The following ATP13A3 variants were observed in gnomAD, a reference collection of about 807,000 sequenced individuals.
The protein encoded by ATP13A3 is ATPase 13A3.
ATP13A3 carries 59 observed loss-of-function variants against 158.1 expected under a neutral mutation model. The observed-to-expected ratio is 0.37, with a 90% confidence interval of 0.30 to 0.46. The LOEUF (loss-of-function observed/expected upper bound fraction) is 0.46. Ranked by LOEUF, ATP13A3 falls within the 20% of genes least tolerant of loss-of-function variation. The pLI, the probability that ATP13A3 is intolerant of heterozygous loss-of-function variation, is 1.00. For missense variants in ATP13A3, 1,166 were observed against 1,525.2 expected (o/e 0.76, Z 3.92); for synonymous variants, 491 against 504.3 (o/e 0.97, Z 0.35).
intron 15 of ATP13A3, 48 bp from the exon 16 acceptor site, chr3:194,441,509 G>A (rs1463217122): frequency 1.3e-6 from 2 of 1,518,710 alleles, no homozygotes; most frequent in African/African-American, 1.4e-5. Flanking sequence ...TAAGATTCAA[G>A]ATAATATTCT....
chr3:194,437,521 A>G lies in ATP13A3; in HGVS notation c.1845+35T>C, dbSNP rs368932532. On this transcript the variant is annotated intron_variant, in intron 18 of 33. Coordinates refer to ENST00000645319, the MANE Select transcript of ATP13A3 (RefSeq NM_001367549.1). ...TAATATTCTTAAAGAATCAAAACAA[A>G]TATACTTAGTAAGAAGTAAACATTC... 8.4e-5 allele frequency: 136 copies of G among 1,612,634 alleles called. No individual in the cohort carries two copies. In the African/African-American group the frequency reaches 1.5e-3, roughly 18 times the overall value.
chr3:194,438,267 A>C (rs1207228994), intron 17 of ATP13A3, among the ~76,000 whole-genome samples: 2 of 152,242 alleles, frequency 1.3e-5, no homozygotes, highest in Non-Finnish European at 2.9e-5. Context: ...GGTGTTTATT[A>C]GAATCTTGGT....
chr3:194,413,687 C>T (rs1021773022), intron 32 of ATP13A3, 72 bp downstream of exon 32: 4 of 1,311,072 alleles, frequency 3.1e-6, no homozygotes, highest in Non-Finnish European at 4.4e-6. Context: ...CTGCCCTCTT[C>T]TCCCATTTAC....
rs376463902 is a variant in ATP13A3, at chr3:194,457,147, C to T, written c.507G>A (p.Thr169=). 77 of 1,613,200 alleles carry T rather than the reference C, an allele frequency of 4.8e-5. 1 individual carries two copies. The highest frequency in any genetic ancestry group is 1.8e-4 in the East Asian group (8 of 44,780). ...LKGLDEGVSC[T]SIYEKHSAGL... ...CTGCACTATGCTTTTCATAAATTGA[C>T]GTACAAGAAACACCTTCATCCAGTC... Residue 169 remains threonine (T), a synonymous_variant, in exon 7 of 34, where the codon ACG becomes ACA. Transcript: ENST00000645319.
At chr3:194,445,768 AC>A (rs1246736409) in intron 14 of ATP13A3, among the ~76,000 whole-genome samples, 1 of 152,216 alleles carries the variant, frequency 6.6e-6, no homozygotes. Context: ...CACATCAGTT[AC>A]CCAGAAAAGT....
chr3:194,485,472 T>C (rs1317168087), intron 2 of ATP13A3, among the ~76,000 whole-genome samples: 1 of 152,236 alleles, frequency 6.6e-6, no homozygotes, highest in African/African-American at 2.4e-5. Context: ...CACTGTTCAT[T>C]ACGTACTCAC....
chr3:194,408,018 C>T lies in ATP13A3; in HGVS notation c.3574-1902G>A, dbSNP rs1715069504. Among the ~76,000 whole-genome samples, 5 of 149,898 alleles carry T rather than the reference C, an allele frequency of 3.3e-5. No homozygotes were observed. The South Asian group carries it at 1.0e-3, about 31-fold the overall frequency. On this transcript the variant is annotated intron_variant, in intron 33 of 33. Transcript: ENST00000645319. ...GTTCCTAAATCAATTCGAAAGCTGT[C>T]ACCTTTTTTTTTTTTTTTTTGAGAC...
intron 28 of ATP13A3, among the ~76,000 whole-genome samples, chr3:194,427,989 G>A (rs1433587311): frequency 1.3e-5 from 2 of 152,072 alleles, no homozygotes; most frequent in Non-Finnish European, 2.9e-5. Context: ...GGGAGGCCGA[G>A]GCGGGCGGAC....
In ATP13A3 at chr3:194,405,625, C is replaced by T. The variant is rs1055346004; in HGVS notation, c.*294G>A. 1.3e-5 allele frequency: 4 copies of T among 299,480 alleles called. No homozygotes were observed. The highest frequency in any genetic ancestry group is 9.5e-5 in the Admixed American group (2 of 21,136). 18.6% of individuals were successfully genotyped at this position (299,480 alleles called of 1,614,324 possible). The stretch of plus-strand genomic sequence containing the variant: ...TACCAAACACCAAACTTCTCCTGTA[C>T]CCAATATAAAGAATATCACTGAAAG... On this transcript the variant is annotated 3_prime_UTR_variant, in exon 34 of 34. Coordinates refer to ENST00000645319, the MANE Select transcript of ATP13A3 (RefSeq NM_001367549.1).
chr3:194,488,045 G>A (rs77417458), upstream of ATP13A3: 1 of 152,410 alleles, frequency 6.6e-6, no homozygotes, highest in Admixed American at 6.5e-5. The surrounding 1 kb of genome is among the most constrained non-coding windows in gnomAD (Gnocchi z 4.1). Context: ...ACCTCCTGCG[G>A]GCAGGAGGGC....
At chr3:194,456,216 A>G (rs1719215263) in intron 7 of ATP13A3, among the ~76,000 whole-genome samples, 1 of 152,212 alleles carries the variant, frequency 6.6e-6, no homozygotes, top group Non-Finnish European at 1.5e-5. Context: ...CCACTAGTCT[A>G]TAATACCATG....
intron 2 of ATP13A3, among the ~76,000 whole-genome samples, chr3:194,463,125 C>T (rs1168969235): frequency 6.6e-6 from 1 of 152,072 alleles, no homozygotes; most frequent in Non-Finnish European, 1.5e-5. Flanking sequence ...AATGGCAATC[C>T]CTGGCCAAAA....
Position 194,454,379 on chromosome 3 carries a change from A to C in ATP13A3, c.644T>G (p.Phe215Cys). Reference sequence around the variant, plus strand: ...AACACTGAACAGCTGGAAAATGTAAAATGGGTTGAGAACCTAAAAAACAAG... The same window carrying C: ...AACACTGAACAGCTGGAAAATGTAACATGGGTTGAGAACCTAAAAAACAAG... ...KLLIKEVLNP[F>C]YIFQLFSVIL... Residue 215 changes from phenylalanine (F) to cysteine (C), a missense_variant, in exon 9 of 34, where the codon TTT becomes TGT. By Grantham distance (205) the Phe-to-Cys change is radical. This residue lies in a region of ATP13A3 where 997 missense variants were observed against 1,341.2 expected (regional missense o/e 0.74). Transcript: ENST00000645319. 1 of 1,611,566 alleles carries C rather than the reference A, an allele frequency of 6.2e-7. No individual in the cohort carries two copies. The highest frequency in any genetic ancestry group is 8.5e-7 in the Non-Finnish European group (1 of 1,178,154).
chr3:194,438,489 A>G (rs1242613333), intron 17 of ATP13A3, among the ~76,000 whole-genome samples: 3 of 152,258 alleles, frequency 2.0e-5, no homozygotes, highest in African/African-American at 7.2e-5. Context: ...CTGCTCAGTA[A>G]ACAGGAAAGA....
chr3:194,436,862 A>G (rs902472215), intron 20 of ATP13A3, among the ~76,000 whole-genome samples: 1 of 152,236 alleles, frequency 6.6e-6, no homozygotes, highest in African/African-American at 2.4e-5. Context: ...CGGCAGTGCC[A>G]CTGCACTCTA....
chr3:194,469,770 G>T (rs1720214991), intron 2 of ATP13A3, among the ~76,000 whole-genome samples: 1 of 152,080 alleles, frequency 6.6e-6, no homozygotes. Context: ...AAACAGCACA[G>T]CTAGCATTCT....
In ATP13A3 at chr3:194,438,945, T is replaced by C; in HGVS notation, c.1738A>G (p.Thr580Ala). 6.3e-7 allele frequency: 1 copy of C among 1,598,062 alleles called. No homozygotes were observed. The highest frequency in any genetic ancestry group is 1.2e-5 in the South Asian group (1 of 86,830). The change falls in exon 17 of 34, where the codon ACA becomes GCA. Residue 580 changes from threonine to alanine, a missense_variant. By Grantham distance (58) the Thr-to-Ala change is moderately conservative (BLOSUM62 0). Transcript: ENST00000645319. Reference sequence around the variant, plus strand: ...GGCATAATTCGATTATGAAGTGCTGTTTCTTCTTCAGTTGCTTCTTCCAGA... The same window carrying C: ...GGCATAATTCGATTATGAAGTGCTGCTTCTTCTTCAGTTGCTTCTTCCAGA... ...WILEEATEEETALHNRIMPTV... is the reference protein window; with the variant it reads ...WILEEATEEEAALHNRIMPTV...
At chr3:194,491,287 A>T (rs931004791), upstream of ATP13A3, among the ~76,000 whole-genome samples, 1 of 152,020 alleles carries the variant, frequency 6.6e-6, no homozygotes, top group Non-Finnish European at 1.5e-5. Flanking sequence ...TTCTTCCCCA[A>T]ATCAGCTCCT....
chr3:194,407,976 G>C (rs1424191043), intron 33 of ATP13A3, among the ~76,000 whole-genome samples: 1 of 150,692 alleles, frequency 6.6e-6, no homozygotes. Context: ...CAATCTAATT[G>C]TGGGAAAAAA....
Sources: allele counts gnomAD v4.1 joint callset (sites outside exome capture counted in the v4.1 genomes callset), GRCh38; gene constraint gnomAD v4.1.1; regional missense constraint gnomAD v4.1.1; non-coding constraint Gnocchi (gnomAD v3.1); transcripts MANE v1.5; gene names NCBI Gene and HGNC (gene_info 2026-07-23, HGNC 2026-07-21).